ATP1B1: variants seen among roughly 807,000 people sequenced by gnomAD.
ATP1B1 encodes ATPase Na+/K+ transporting subunit beta 1.
In ATP1B1, 3 loss-of-function variants were observed where a neutral mutation model predicts 39.6. The observed-to-expected ratio is 0.08, with a 90% confidence interval of 0.03 to 0.20. The LOEUF is 0.20. Ranked by LOEUF, ATP1B1 falls within the 10% of genes least tolerant of loss-of-function variation. The probability of loss-of-function intolerance (pLI) is 1.00; values close to 1 mark genes in which losing one functional copy is unlikely to be tolerated. For missense variants in ATP1B1, 216 were observed against 371.1 expected, an observed-to-expected ratio of 0.58 and a Z score of 3.43; for synonymous variants, 139 against 135.0, an observed-to-expected ratio of 1.03 and a Z score of -0.20.
intron 3 of ATP1B1, among the ~76,000 whole-genome samples, chr1:169,125,940 A>C (rs1658076086): frequency 6.6e-6 from 1 of 152,170 alleles, no homozygotes; most frequent in African/African-American, 2.4e-5. Context: ...ACGCCACAGC[A>C]CTCCAGCCTG....
intron 2 of ATP1B1, among the ~76,000 whole-genome samples, chr1:169,114,375 G>GCAT (rs1297426599): frequency 1.3e-5 from 2 of 152,286 alleles, no homozygotes; most frequent in Non-Finnish European, 2.9e-5. Flanking sequence ...GTGAAAGTTT[G>GCAT]CATATGATTT....
chr1:169,123,595 A>ATT (rs142405877), intron 2 of ATP1B1, among the ~76,000 whole-genome samples: 64,890 of 148,560 alleles, frequency 0.44, 15,305 homozygotes, highest in Non-Finnish European at 0.53. Flanking sequence ...CTATATATAT[A>ATT]TATATTTATA....
intron 2 of ATP1B1, among the ~76,000 whole-genome samples, chr1:169,116,786 C>T (rs557922147): frequency 2.6e-5 from 4 of 151,430 alleles, no homozygotes; most frequent in Non-Finnish European, 4.4e-5. Flanking sequence ...GGAAGGCAGA[C>T]GTTGCAGTGA....
chr1:169,114,864 C>T (rs1382013035), intron 2 of ATP1B1, among the ~76,000 whole-genome samples: 1 of 151,478 alleles, frequency 6.6e-6, no homozygotes, highest in Non-Finnish European at 1.5e-5. Context: ...TATCCACACA[C>T]ACACAAAAAA....
chr1:169,122,746 AT>A (rs753882699), intron 2 of ATP1B1, among the ~76,000 whole-genome samples: 861 of 82,390 alleles, frequency 0.01, 6 homozygotes, highest in Middle Eastern at 0.033. Flanking sequence ...TTTCAGGATG[AT>A]TTTTTTTTTT....
rs966300167 is a variant in ATP1B1 at position 169,132,614 on chromosome 1, G to A, written c.*1059G>A. On this transcript the variant is annotated 3_prime_UTR_variant, in exon 6 of 6. Coordinates refer to ENST00000367815, the MANE Select transcript of ATP1B1 (RefSeq NM_001677.4). ...ACTGGTGTTAAATGTTGTCTACAGT[G>A]CAAAATCCATGTTCTAACATATGTA... 34 of 578,390 alleles carry A rather than the reference G, an allele frequency of 5.9e-5. No individual in the cohort carries two copies. Among genetic ancestry groups the A allele is most frequent in the Admixed American group, 6.8e-5 (2 of 29,434 alleles). 35.8% of individuals were successfully genotyped at this position (578,390 alleles called of 1,614,324 possible). A position where few individuals can be genotyped will look rare whatever the true frequency, so the allele number is the denominator to read the frequency against.
intron 1 of ATP1B1, chr1:169,110,567 CTTTT>C (rs11423213): frequency 0.011 from 4,762 of 429,406 alleles, no homozygotes; most frequent in South Asian, 0.013. Flanking sequence ...TGTGTTGAGT[CTTTT>C]TTTTTTTTTT....
intron 2 of ATP1B1, among the ~76,000 whole-genome samples, chr1:169,115,638 C>T (rs1389408297): frequency 3.9e-5 from 6 of 152,092 alleles, no homozygotes; most frequent in African/African-American, 9.7e-5. Flanking sequence ...CGTGAGCCAC[C>T]GCACCTGGTC....
chr1:169,107,021 CGCG>C, intron 1 of ATP1B1, 95 bp downstream of exon 1: 1 of 1,236,860 alleles, frequency 8.1e-7, no homozygotes, highest in Non-Finnish European at 1.1e-6. Flanking sequence ...CCGCACCCAC[CGCG>C]CTGGCCGGGG....
Position 169,132,545 on chromosome 1 carries a change from A to ATCTT in ATP1B1, c.*992_*995dup. ...ACCAAAGTCACTTGTTTGAAAATAA[A>ATCTT]TCTTTATTTTGAACTTTATAAAAAG... On this transcript the variant is annotated 3_prime_UTR_variant, in exon 6 of 6. Coordinates refer to ENST00000367815, the MANE Select transcript of ATP1B1 (RefSeq NM_001677.4). The ATCTT allele has an allele frequency of 2.3e-6, 1 of 432,380 alleles. No homozygotes were observed. Among genetic ancestry groups the ATCTT allele is most frequent in the Non-Finnish European group, 4.1e-6 (1 of 246,364 alleles). 26.8% of individuals were successfully genotyped at this position (432,380 alleles called of 1,614,324 possible). A position where few individuals can be genotyped will look rare whatever the true frequency, so the allele number is the denominator to read the frequency against.
In ATP1B1 at chr1:169,115,411, T is replaced by C. The variant is rs553084524; in HGVS notation, c.226+3913T>C. Among the ~76,000 whole-genome samples the C allele has an allele frequency of 1.3e-3, 203 of 150,490 alleles. 2 individuals are homozygous for C. Among genetic ancestry groups the C allele is most frequent in the African/African-American group, 4.7e-3 (192 of 40,990 alleles). ...TCGCCCAGGCTGGAGTGCAGTGGCA[T>C]GATCTTGGCTCACTGCAACCTCTGC... On this transcript the variant is annotated intron_variant, in intron 2 of 5. Transcript: ENST00000367815.
At chr1:169,129,102 C>T (rs529377251) in intron 4 of ATP1B1, among the ~76,000 whole-genome samples, 11 of 152,340 alleles carry the variant, frequency 7.2e-5, no homozygotes, top group African/African-American at 1.4e-4. Context: ...CTGGCAGAAA[C>T]GTCCCAAAGA....
chr1:169,110,498 C>A, intron 1 of ATP1B1: 1 of 487,804 alleles, frequency 2.0e-6, no homozygotes, highest in Non-Finnish European at 3.3e-6. Flanking sequence ...TACTATGCAG[C>A]TAATCAGGGA....
chr1:169,111,030 T>C (rs1657717508), intron 1 of ATP1B1, among the ~76,000 whole-genome samples: 1 of 152,196 alleles, frequency 6.6e-6, no homozygotes, highest in Non-Finnish European at 1.5e-5. Flanking sequence ...AGCTCTAGAT[T>C]TTATTGGTGA....
At chr1:169,123,256 A>C (rs1658018753) in intron 2 of ATP1B1, among the ~76,000 whole-genome samples, 1 of 152,146 alleles carries the variant, frequency 6.6e-6, no homozygotes, top group South Asian at 2.1e-4. Context: ...AGGGTGTTTA[A>C]AGATCTTTTC....
chr1:169,124,313 G>A (rs750231708), intron 2 of ATP1B1, among the ~76,000 whole-genome samples: 4 of 152,170 alleles, frequency 2.6e-5, no homozygotes, highest in Non-Finnish European at 4.4e-5. Flanking sequence ...AATTCTTCCC[G>A]TTTAGTTTAA....
chr1:169,122,770 T>TA (rs1553236593), intron 2 of ATP1B1, among the ~76,000 whole-genome samples: 4,755 of 100,856 alleles, frequency 0.047, 350 homozygotes, highest in African/African-American at 0.12. Context: ...TTTTTTTTTT[T>TA]AATTGCGATA....
At chr1:169,121,768 T>C (rs1657984715) in intron 2 of ATP1B1, among the ~76,000 whole-genome samples, 1 of 152,214 alleles carries the variant, frequency 6.6e-6, no homozygotes, top group Non-Finnish European at 1.5e-5. Flanking sequence ...CACTCCTCCT[T>C]TCAGCTTGTT....
chr1:169,124,805 T>C, intron 2 of ATP1B1, 79 bp from the exon 3 acceptor site: 1 of 1,503,772 alleles, frequency 6.6e-7, no homozygotes, highest in Non-Finnish European at 9.1e-7. Context: ...GCAAAGTATG[T>C]TTTGTATGTG....
Sources: gnomAD v4.1 joint callset for allele counts (sites outside exome capture counted in the v4.1 genomes callset) on GRCh38, gnomAD v4.1.1 for gene constraint, MANE v1.5 for transcripts, NCBI Gene and HGNC (gene_info 2026-07-23, HGNC 2026-07-21) for gene names.